Variants in WFDC6 observed in about 807,000 individuals in gnomAD.
WFDC6 encodes the protein WAP four-disulfide core domain protein 6.
In WFDC6, 10 loss-of-function variants were observed where a neutral mutation model predicts 8.2. That is an observed-to-expected ratio of 1.22 (90% confidence interval 0.75 to 2.07). The LOEUF is 2.07. Ranked by LOEUF, WFDC6 falls within the 30% of genes most tolerant of loss-of-function variation. WFDC6 has a pLI of 0.00. For synonymous variants in WFDC6, 28 were observed against 37.0 expected, an observed-to-expected ratio of 0.76 and a Z score of 0.88; for missense variants, 105 against 104.9, an observed-to-expected ratio of 1.00 and a Z score of 0.00.
At chr20:45,535,394 C>T in intron 2 of WFDC6, 1 of 1,228,264 alleles carries the variant, frequency 8.1e-7, no homozygotes, top group Non-Finnish European at 1.0e-6. Context: ...TCCATCTCTC[C>T]CCTTCTCTGG....
chr20:45,537,311 C>T, intron 2 of WFDC6: 1 of 585,792 alleles, frequency 1.7e-6, no homozygotes, highest in African/African-American at 1.9e-5. Context: ...ACTCATCTTT[C>T]AGATCTTAAA....
intron 2 of WFDC6, among the ~76,000 whole-genome samples, chr20:45,536,251 GAA>G (rs11467724): frequency 0.43 from 62,829 of 147,230 alleles, 13,720 homozygotes; most frequent in Non-Finnish European, 0.48. Context: ...AGTATTCACA[GAA>G]AAAAAAAAAA....
chr20:45,536,696 C>G (rs1435863568), intron 2 of WFDC6: 1 of 152,184 alleles, frequency 6.6e-6, no homozygotes, highest in African/African-American at 2.4e-5. Context: ...GTTTATTTAT[C>G]AAGAGAAACT....
chr20:45,535,786 C>T (rs370276173), intron 2 of WFDC6, among the ~76,000 whole-genome samples: 40 of 152,316 alleles, frequency 2.6e-4, no homozygotes, highest in East Asian at 2.1e-3. Context: ...CCAGAATGGC[C>T]GATCTGCTGG....
chr20:45,534,783 C>T (rs1430882993), intron 2 of WFDC6, among the ~76,000 whole-genome samples: 1 of 152,116 alleles, frequency 6.6e-6, no homozygotes, highest in African/African-American at 2.4e-5. Flanking sequence ...ATGTGGTTGC[C>T]CTGGTTAGAA....
At chr20:45,536,980 G>T (rs765438256) in intron 2 of WFDC6, 1 of 157,272 alleles carries the variant, frequency 6.4e-6, no homozygotes, top group Non-Finnish European at 1.4e-5. Flanking sequence ...ATGCCTGGCT[G>T]GAAGGCCACA....
chr20:45,535,363 T>C (rs918284403), intron 2 of WFDC6: 24 of 1,273,534 alleles, frequency 1.9e-5, no homozygotes, highest in Non-Finnish European at 2.4e-5. Flanking sequence ...GCTGTTTGGG[T>C]GCCTGTCTCC....
chr20:45,535,925 T>A (rs754832273), intron 2 of WFDC6, among the ~76,000 whole-genome samples: 4 of 152,222 alleles, frequency 2.6e-5, no homozygotes, highest in Non-Finnish European at 4.4e-5. Flanking sequence ...AATAGCACTT[T>A]CTTACACACC....
intron 2 of WFDC6, chr20:45,537,491 G>T: frequency 6.5e-7 from 1 of 1,533,100 alleles, no homozygotes; most frequent in Non-Finnish European, 8.8e-7. Flanking sequence ...AGAGAAGAAA[G>T]AGTGTAGGCG....
At chr20:45,535,031 C>A in intron 2 of WFDC6, 2 of 739,410 alleles carry the variant, frequency 2.7e-6, no homozygotes, top group Non-Finnish European at 1.9e-6. Context: ...TATCCTTCTA[C>A]TTATACTTCT....
intron 1 of WFDC6, among the ~76,000 whole-genome samples, 187 bp from the exon 2 acceptor site, chr20:45,538,281 C>G (rs1979448424): frequency 6.6e-6 from 1 of 152,140 alleles, no homozygotes; most frequent in African/African-American, 2.4e-5. Context: ...CATAACAACT[C>G]ACCATCGGAT....
At chr20:45,537,933 C>A (rs755376428) in intron 2 of WFDC6, 31 bp downstream of exon 2, 6 of 1,613,466 alleles carry the variant, frequency 3.7e-6, no homozygotes, top group Non-Finnish European at 5.1e-6. Context: ...GAGGTGAGGG[C>A]ACTGGGTAAT....
chr20:45,535,080 G>C, intron 2 of WFDC6: 1 of 1,234,538 alleles, frequency 8.1e-7, no homozygotes, highest in African/African-American at 1.6e-5. Flanking sequence ...CGCCACCCAG[G>C]TCTTGGAATA....
chr20:45,535,292 C>T, intron 2 of WFDC6: 2 of 1,304,048 alleles, frequency 1.5e-6, no homozygotes, highest in Non-Finnish European at 2.0e-6. Context: ...GTATGGAGGC[C>T]AGGCAGGGGC....
intron 2 of WFDC6, among the ~76,000 whole-genome samples, chr20:45,536,567 T>G (rs761116766): frequency 6.6e-6 from 1 of 152,190 alleles, no homozygotes; most frequent in Admixed American, 6.5e-5. Flanking sequence ...ACACAGATGG[T>G]AAGGGATTTG....
intron 1 of WFDC6, 139 bp downstream of exon 1, chr20:45,539,178 A>C (rs769817725): frequency 1.2e-6 from 1 of 802,640 alleles, no homozygotes; most frequent in Non-Finnish European, 2.0e-6. Flanking sequence ...AAGAGACTTC[A>C]AATAGCTCCC....
rs2206446 is a variant in WFDC6, at chr20:45,534,570, C to G, written c.223-65G>C. ...TGACCACATTAGGAACCAAATCTTGCACCTAATGGGAAAAAGGAGGTGGGA... is the reference window on the plus strand; with the variant it reads ...TGACCACATTAGGAACCAAATCTTGGACCTAATGGGAAAAAGGAGGTGGGA... On this transcript the variant is annotated intron_variant, in intron 2 of 2. Transcript: ENST00000372670. 73,925 of 1,574,432 alleles carry G rather than the reference C, an allele frequency of 0.047. 2,168 individuals carry two copies. The highest frequency in any genetic ancestry group is 0.12 in the East Asian group (5,284 of 44,508).
chr20:45,537,542 CAG>C (rs1979411222), intron 2 of WFDC6: 1 of 1,549,882 alleles, frequency 6.5e-7, no homozygotes, highest in Non-Finnish European at 8.7e-7. Context: ...TTTATGTAGA[CAG>C]AGAGGCCTAG....
intron 1 of WFDC6, 45 bp downstream of exon 1, chr20:45,539,272 T>C: frequency 6.4e-7 from 1 of 1,561,184 alleles, no homozygotes; most frequent in Non-Finnish European, 8.8e-7. Flanking sequence ...TCCTCCCCAC[T>C]GAGTTTCCTT....
Sources: allele counts gnomAD v4.1 joint callset (sites outside exome capture counted in the v4.1 genomes callset), GRCh38; gene constraint gnomAD v4.1.1; transcripts MANE v1.5; gene names NCBI Gene and HGNC (gene_info 2026-07-23, HGNC 2026-07-21).